SELENOM: variants seen among roughly 807,000 people sequenced by gnomAD.
SELENOM encodes selenoprotein SelM.
SELENOM carries 17 observed loss-of-function variants against 14.5 expected under a neutral mutation model. The ratio of observed to expected loss-of-function variants is 1.17; its 90% CI spans 0.80 to 1.76. SELENOM has a LOEUF of 1.76. Among genes scored for constraint, SELENOM ranks in the 40% most tolerant of loss-of-function variants. The pLI is 0.00. For missense variants in SELENOM, 230 were observed against 204.6 expected (o/e 1.12, Z -0.76); for synonymous variants, 102 against 93.3 (o/e 1.09, Z -0.54).
intron 3 of SELENOM, 51 bp from the exon 4 acceptor site, chr22:31,105,337 T>C (rs1285823924): frequency 1.3e-6 from 2 of 1,524,344 alleles, no homozygotes; most frequent in South Asian, 1.2e-5. Flanking sequence ...GGTGGTGGTT[T>C]CCGCAGCCTT....
At chr22:31,106,208 TGCCTGCCAGCCTTGG>T (rs2044403868) in intron 1 of SELENOM, 1 of 580,788 alleles carries the variant, frequency 1.7e-6, no homozygotes, top group Non-Finnish European at 3.1e-6. Flanking sequence ...ACCCACAGTG[TGCCTGCCAGCCTTGG>T]GGCCTGTACA....
chr22:31,107,213 TG>T, intron 1 of SELENOM, 163 bp downstream of exon 1: 2 of 870,986 alleles, frequency 2.3e-6, no homozygotes, highest in Non-Finnish European at 3.3e-6. Context: ...CGGTGGATGC[TG>T]GGGCCATCTG....
At chr22:31,107,186 G>A in intron 1 of SELENOM, 191 bp downstream of exon 1, 2 of 670,776 alleles carry the variant, frequency 3.0e-6, no homozygotes, top group South Asian at 4.1e-5. Context: ...CCCCAAAGTC[G>A]GTGTCTCAGG....
intron 2 of SELENOM, 118 bp downstream of exon 2, chr22:31,105,812 C>T (rs1176795734): frequency 6.8e-7 from 1 of 1,479,094 alleles, no homozygotes; most frequent in Non-Finnish European, 9.5e-7. Context: ...TCAGCCTAGG[C>T]TAGACTCTCA....
At chr22:31,105,851 C>CCAGTCATTGGGA in intron 2 of SELENOM, 79 bp downstream of exon 2, 2 of 1,518,422 alleles carry the variant, frequency 1.3e-6, no homozygotes, top group South Asian at 2.2e-5. Flanking sequence ...CCTCCCCGCC[C>CCAGTCATTGGGA]CAGTCATTGG....
At position 31,104,892 on chromosome 22, in the gene SELENOM, T is replaced by C. The variant is rs992213614; in HGVS notation, c.*78A>G. 2 of 1,416,596 alleles carry C rather than the reference T, an allele frequency of 1.4e-6. No individual in the cohort carries two copies. Among genetic ancestry groups the C allele is most frequent in the African/African-American group, 2.9e-5 (2 of 69,128 alleles). The allele number at this position is 1,416,596 out of a possible 1,614,324, so 87.8% of individuals were successfully genotyped here. On this transcript the variant is annotated 3_prime_UTR_variant, in exon 5 of 5. Coordinates refer to ENST00000400299, the MANE Select transcript of SELENOM (RefSeq NM_080430.4). ...GGGCATCGGCTCTCAGCAAGAGAAG[T>C]ATTCCCGGGATGCTGAGCGCTTCAT...
Position 31,105,290 on chromosome 22 carries a change from G to A in SELENOM, c.201-4C>T. 1 of 1,610,032 alleles carries A rather than the reference G, an allele frequency of 6.2e-7. No individual in the cohort carries two copies. Among genetic ancestry groups the A allele is most frequent in the Non-Finnish European group, 8.5e-7 (1 of 1,178,308 alleles). On this transcript the variant is annotated splice_region_variant and splice_polypyrimidine_tract_variant and intron_variant, in intron 3 of 4. Coordinates refer to ENST00000400299, the MANE Select transcript of SELENOM (RefSeq NM_080430.4). ...GTGTTTCATCACCAGGTTGTGACTG[G>A]AGGTGGTGTTAAGGAGCGGGGTGGT...
chr22:31,107,484 G>T lies in SELENOM; in HGVS notation c.22C>A (p.Leu8Met). MSLLLPP[L>M]ALLLLLAALV... ...GCCGCGAGAAGCAGCAGCAGCGCCA[G>T]CGGAGGCAACAGGAGGCTCATCGGG... Residue 8 changes from leucine (L) to methionine (M), a missense_variant, in exon 1 of 5, where the codon CTG (leucine) becomes ATG (methionine). Physicochemically the swap from Leu to Met is conservative, Grantham distance 15. Coordinates refer to ENST00000400299, the MANE Select transcript of SELENOM (RefSeq NM_080430.4). 1 of 1,557,012 alleles carries T rather than the reference G, an allele frequency of 6.4e-7. No individual in the cohort carries two copies. Among genetic ancestry groups the T allele is most frequent in the East Asian group, 2.4e-5 (1 of 41,764 alleles).
intron 1 of SELENOM, 147 bp from the exon 2 acceptor site, chr22:31,106,112 G>A (rs956345617): frequency 1.4e-6 from 1 of 727,516 alleles, no homozygotes; most frequent in Non-Finnish European, 2.4e-6. Context: ...GGAAATGCTG[G>A]ACCCTTGTGG....
intron 1 of SELENOM, 70 bp downstream of exon 1, chr22:31,107,307 C>T: frequency 3.3e-6 from 5 of 1,505,710 alleles, no homozygotes; most frequent in Non-Finnish European, 3.6e-6. Context: ...GGGGCCGGGA[C>T]GGACGGTGCT....
At chr22:31,106,829 T>G in intron 1 of SELENOM, 1 of 152,286 alleles carries the variant, frequency 6.6e-6, no homozygotes. Context: ...GGGAATTTCC[T>G]GGTTGGGGGA....
chr22:31,105,519 C>G, intron 3 of SELENOM, 139 bp downstream of exon 3: 1 of 946,000 alleles, frequency 1.1e-6, no homozygotes, highest in Non-Finnish European at 1.7e-6. Context: ...AACATGGAGA[C>G]CACCTCAGAA....
intron 3 of SELENOM, 104 bp downstream of exon 3, chr22:31,105,554 A>T (rs2044393542): frequency 9.1e-6 from 11 of 1,213,310 alleles, no homozygotes; most frequent in Non-Finnish European, 1.3e-5. Context: ...CTACCAATCA[A>T]TTCAACTTGT....
rs1360789573 is a variant in SELENOM, at chr22:31,105,306, G to A, written c.201-20C>T. On this transcript the variant is annotated intron_variant, in intron 3 of 4. Transcript: ENST00000400299. ...TTGTGACTGGAGGTGGTGTTAAGGAGCGGGGTGGTGGGCAGAGGGAGGTGG... is the reference window on the plus strand; with the variant it reads ...TTGTGACTGGAGGTGGTGTTAAGGAACGGGGTGGTGGGCAGAGGGAGGTGG... The A allele has an allele frequency of 1.2e-6, 2 of 1,600,244 alleles. No individual in the cohort carries two copies. The highest frequency in any genetic ancestry group is 1.7e-6 in the Non-Finnish European group (2 of 1,172,872).
In SELENOM at chr22:31,105,074, G is replaced by A. The variant is rs777074627; in HGVS notation, c.334C>T (p.Leu112Phe). The change falls in exon 5 of 5, where the codon CTC (leucine) becomes TTC (phenylalanine). Residue 112 changes from leucine (L) to phenylalanine (F), a missense_variant. Leu to Phe is a conservative substitution (Grantham distance 22). Coordinates refer to ENST00000400299, the MANE Select transcript of SELENOM (RefSeq NM_080430.4). Reference protein sequence around the residue: ...REEINALVQELGFYRKAAPDA... With the variant: ...REEINALVQEFGFYRKAAPDA... ...GGCGCCGCCTTGCGGTAGAAGCCGA[G>A]CTCCTGCACTAGCGCATTGATCTCT... The A allele has an allele frequency of 3.1e-6, 5 of 1,612,846 alleles. No homozygotes were observed. The South Asian group carries it at 5.5e-5, about 18-fold the overall frequency.
Position 31,105,985 on chromosome 22 carries a change from G to A in SELENOM, c.130-20C>T. The A allele has an allele frequency of 6.2e-7, 1 of 1,612,132 alleles. No individual in the cohort carries two copies. On this transcript the variant is annotated intron_variant, in intron 1 of 4. Coordinates refer to ENST00000400299, the MANE Select transcript of SELENOM (RefSeq NM_080430.4). ...GCAGGTCTGGAGGGGGATAAAATGGGATAGGTCAGGAGTCCTTCACGTTTA... is the reference window on the plus strand; with the variant it reads ...GCAGGTCTGGAGGGGGATAAAATGGAATAGGTCAGGAGTCCTTCACGTTTA...
intron 2 of SELENOM, 98 bp from the exon 3 acceptor site, chr22:31,105,790 C>CAGGCTAGACTCTCAGCCT (rs1269394031): frequency 2.1e-5 from 31 of 1,496,934 alleles, no homozygotes; most frequent in East Asian, 6.8e-5. Context: ...AAGTCAGGTG[C>CAGGCTAGACTCTCAGCCT]AGGCTAGACT....
intron 3 of SELENOM, 177 bp downstream of exon 3, chr22:31,105,481 A>T: frequency 1.2e-6 from 1 of 814,882 alleles, no homozygotes; most frequent in Non-Finnish European, 2.0e-6. Flanking sequence ...TGTGGCAGTC[A>T]TCACTAGTCA....
Position 31,105,285 on chromosome 22 carries a change from G to T in SELENOM, c.202C>A (p.His68Asn). 1 of 1,610,566 alleles carries T rather than the reference G, an allele frequency of 6.2e-7. No individual in the cohort carries two copies. The highest frequency in any genetic ancestry group is 1.1e-5 in the South Asian group (1 of 90,464). Residue 68 changes from histidine to asparagine, a missense_variant and splice_region_variant, in exon 4 of 5, where the codon CAC becomes AAC. Coordinates refer to ENST00000400299, the MANE Select transcript of SELENOM (RefSeq NM_080430.4). ...AFVTQDIPFY[H>N]NLVMKHLPGA... ...GGGAGGTGTTTCATCACCAGGTTGT[G>T]ACTGGAGGTGGTGTTAAGGAGCGGG...
Sources: allele counts gnomAD v4.1 joint callset, GRCh38; gene constraint gnomAD v4.1.1; transcripts MANE v1.5; gene names NCBI Gene and HGNC (gene_info 2026-07-23, HGNC 2026-07-21).